Variants in TAFA4 observed in about 807,000 individuals in gnomAD.
TAFA4 encodes chemokine-like protein TAFA-4.
TAFA4 carries 20 observed loss-of-function variants against 21.1 expected under a neutral mutation model. The ratio of observed to expected loss-of-function variants is 0.95; its 90% CI spans 0.67 to 1.38. The LOEUF (loss-of-function observed/expected upper bound fraction) is 1.38, where lower values mean the gene tolerates loss of function less well. Among genes scored for constraint, TAFA4 ranks in the 40% most tolerant of loss-of-function variants. TAFA4 has a pLI of 0.00. For missense variants in TAFA4, 211 were observed against 180.9 expected (o/e 1.17, Z -0.95); for synonymous variants, 71 against 67.4 (o/e 1.05, Z -0.26).
intron 3 of TAFA4, among the ~76,000 whole-genome samples, chr3:68,821,777 T>A (rs1034071938): frequency 6.6e-6 from 1 of 152,184 alleles, no homozygotes; most frequent in Non-Finnish European, 1.5e-5. Flanking sequence ...GTACTATACT[T>A]CTTTCAGGTG....
chr3:68,920,681 G>T (rs1357363689), intron 1 of TAFA4, among the ~76,000 whole-genome samples: 2 of 132,738 alleles, frequency 1.5e-5, no homozygotes, highest in Non-Finnish European at 3.1e-5. Context: ...TGTATTCCCT[G>T]CAGGAGTTCT....
intron 3 of TAFA4, among the ~76,000 whole-genome samples, chr3:68,807,750 C>T (rs1703734215): frequency 6.6e-6 from 1 of 152,182 alleles, no homozygotes; most frequent in Non-Finnish European, 1.5e-5. Flanking sequence ...TCAAGAGACA[C>T]TCACCATTTC....
intron 1 of TAFA4, among the ~76,000 whole-genome samples, chr3:68,904,999 A>AATGTAAGCTTTTTTTCCTC (rs758793713): frequency 1.3e-5 from 2 of 152,038 alleles, no homozygotes; most frequent in African/African-American, 2.4e-5. Context: ...CCAAATGCGG[A>AATGTAAGCTTTTTTTCCTC]ATGTAAGCTT....
At chr3:68,889,424 G>A (rs1200667486) in intron 1 of TAFA4, among the ~76,000 whole-genome samples, 2 of 151,314 alleles carry the variant, frequency 1.3e-5, no homozygotes, top group Non-Finnish European at 3.0e-5. Flanking sequence ...AAATAGAGAG[G>A]CTGTGCCTTC....
intron 3 of TAFA4, among the ~76,000 whole-genome samples, chr3:68,777,388 G>A (rs1703067083): frequency 6.6e-6 from 1 of 151,618 alleles, no homozygotes; most frequent in South Asian, 2.1e-4. Context: ...TATTTATACT[G>A]TCCAATATGG....
intron 3 of TAFA4, among the ~76,000 whole-genome samples, chr3:68,842,345 CT>C (rs1179680172): frequency 6.6e-6 from 1 of 152,146 alleles, no homozygotes; most frequent in Non-Finnish European, 1.5e-5. Context: ...TCAATGTCTT[CT>C]TTTGAGAACT....
chr3:68,857,198 C>A (rs1003461494), intron 3 of TAFA4, among the ~76,000 whole-genome samples: 30 of 152,150 alleles, frequency 2.0e-4, no homozygotes, highest in African/African-American at 7.2e-4. Context: ...TTTGTGCAAA[C>A]TGCCAAACGT....
chr3:68,847,928 T>G (rs941203724), intron 3 of TAFA4, among the ~76,000 whole-genome samples: 4 of 152,228 alleles, frequency 2.6e-5, no homozygotes, highest in Non-Finnish European at 5.9e-5. Context: ...ATTAAACATT[T>G]TCAAGTTTCT....
intron 3 of TAFA4, among the ~76,000 whole-genome samples, chr3:68,764,181 T>C (rs1354279747): frequency 2.0e-5 from 3 of 152,078 alleles, no homozygotes; most frequent in East Asian, 1.9e-4. Context: ...CCTAATCTGA[T>C]AGCACAAGTG....
chr3:68,759,614 G>A (rs987733487), intron 3 of TAFA4, among the ~76,000 whole-genome samples: 4 of 152,124 alleles, frequency 2.6e-5, no homozygotes, highest in Non-Finnish European at 5.9e-5. Flanking sequence ...ATAATGGTGT[G>A]GCGATCCATC....
At chr3:68,826,565 T>C (rs962347123) in intron 3 of TAFA4, among the ~76,000 whole-genome samples, 3 of 115,220 alleles carry the variant, frequency 2.6e-5, no homozygotes, top group African/African-American at 1.0e-4. Flanking sequence ...AGAGCGAGAC[T>C]CTGCCTCAAA....
At chr3:68,893,247 A>C (rs1022060157) in intron 1 of TAFA4, among the ~76,000 whole-genome samples, 14 of 152,232 alleles carry the variant, frequency 9.2e-5, no homozygotes, top group African/African-American at 3.4e-4. Context: ...AAAAGTTTTT[A>C]CATGATAGGA....
rs561913867 is a variant in TAFA4 at position 68,812,401 on chromosome 3, C to T, written c.131-59383G>A. On this transcript the variant is annotated intron_variant, in intron 3 of 5. Coordinates refer to ENST00000295569, the MANE Select transcript of TAFA4 (RefSeq NM_182522.5). The stretch of plus-strand genomic sequence containing the variant: ...TGGCAAATTGGATCAAGAGTCAAGA[C>T]CCATCAGTGTGCTGTATTCAGGAAA... Among the ~76,000 whole-genome samples the T allele has an allele frequency of 2.3e-4, 35 of 152,230 alleles. No individual in the cohort carries two copies. The South Asian group carries it at 5.6e-3, about 24-fold the overall frequency.
intron 3 of TAFA4, among the ~76,000 whole-genome samples, chr3:68,761,540 C>G (rs1702755694): frequency 1.3e-5 from 2 of 152,116 alleles, no homozygotes; most frequent in Admixed American, 1.3e-4. Flanking sequence ...TGTGTCAGAG[C>G]AGAAACAATA....
intron 3 of TAFA4, among the ~76,000 whole-genome samples, chr3:68,830,973 G>C (rs1704372225): frequency 6.6e-6 from 1 of 152,044 alleles, no homozygotes; most frequent in Admixed American, 6.6e-5. Context: ...TATCTTTGTT[G>C]GTTTATAGTC....
chr3:68,789,226 G>A (rs969716697), intron 3 of TAFA4, among the ~76,000 whole-genome samples: 12 of 131,240 alleles, frequency 9.1e-5, no homozygotes, highest in Admixed American at 3.1e-4. Flanking sequence ...GTGAGACTCC[G>A]TCTCAAAAAA....
At chr3:68,926,331 A>G (rs1368822187) in intron 1 of TAFA4, among the ~76,000 whole-genome samples, 2 of 152,162 alleles carry the variant, frequency 1.3e-5, no homozygotes, top group African/African-American at 2.4e-5. Flanking sequence ...CTGGGTGGCA[A>G]AATTGGGTGG....
At position 68,733,134 on chromosome 3, in the gene TAFA4, T is replaced by C. The variant is rs1156458456; in HGVS notation, c.*8A>G. The C allele has an allele frequency of 6.2e-7, 1 of 1,612,834 alleles. No homozygotes were observed. Among genetic ancestry groups the C allele is most frequent in the Non-Finnish European group, 8.5e-7 (1 of 1,179,372 alleles). Reference sequence around the variant, plus strand: ...CCCCTCCAGGATTGAAGCACACCTCTCTCTTCGCTACCGCGTTACCTAAAA... The same window carrying C: ...CCCCTCCAGGATTGAAGCACACCTCCCTCTTCGCTACCGCGTTACCTAAAA... On this transcript the variant is annotated 3_prime_UTR_variant, in exon 6 of 6. Transcript: ENST00000295569.
intron 1 of TAFA4, among the ~76,000 whole-genome samples, chr3:68,892,296 T>G (rs879425415): frequency 6.6e-6 from 1 of 152,176 alleles, no homozygotes; most frequent in Non-Finnish European, 1.5e-5. Context: ...CATGCTAAAG[T>G]ATGTTGTAAA....
Sources: gnomAD v4.1 joint callset for allele counts (sites outside exome capture counted in the v4.1 genomes callset) on GRCh38, gnomAD v4.1.1 for gene constraint, MANE v1.5 for transcripts, NCBI Gene and HGNC (gene_info 2026-07-23, HGNC 2026-07-21) for gene names.